NPAS3: variants seen among roughly 807,000 people sequenced by gnomAD.
NPAS3 encodes neuronal PAS domain protein 3.
A neutral mutation model predicts 73.1 loss-of-function variants in NPAS3; 14 were observed. The ratio of observed to expected loss-of-function variants is 0.19; its 90% CI spans 0.13 to 0.30. The LOEUF (loss-of-function observed/expected upper bound fraction) is 0.30. Among genes scored for constraint, NPAS3 ranks in the 10% least tolerant of loss-of-function variants. The pLI, the probability that NPAS3 is intolerant of heterozygous loss-of-function variation, is 1.00. For missense variants in NPAS3, 1,096 were observed against 1,250.0 expected (o/e 0.88, Z 1.86); for synonymous variants, 620 against 541.5 (o/e 1.14, Z -2.01).
At chr14:33,328,813 T>G (rs2043842976) in intron 3 of NPAS3, among the ~76,000 whole-genome samples, 1 of 152,204 alleles carries the variant, frequency 6.6e-6, no homozygotes, top group Non-Finnish European at 1.5e-5. Context: ...CTCCTTTAAC[T>G]TCTGTGTTTC....
At chr14:33,600,607 A>C (rs1228023209) in intron 5 of NPAS3, among the ~76,000 whole-genome samples, 1 of 152,236 alleles carries the variant, frequency 6.6e-6, no homozygotes, top group African/African-American at 2.4e-5. Context: ...GACTGAAAAT[A>C]GTTTAATTGG....
intron 1 of NPAS3, among the ~76,000 whole-genome samples, chr14:32,956,462 G>A (rs1245965321): frequency 6.6e-6 from 1 of 152,136 alleles, no homozygotes; most frequent in Non-Finnish European, 1.5e-5. Context: ...TGATAGTGGT[G>A]AACATTGTTA....
intron 4 of NPAS3, among the ~76,000 whole-genome samples, chr14:33,501,522 C>A (rs1221294953): frequency 3.3e-5 from 5 of 151,828 alleles, no homozygotes; most frequent in African/African-American, 1.2e-4. Flanking sequence ...TAACATGTTG[C>A]AACCTTCCTG....
intron 4 of NPAS3, among the ~76,000 whole-genome samples, chr14:33,528,969 G>T (rs576789527): frequency 6.6e-6 from 1 of 152,184 alleles, no homozygotes; most frequent in South Asian, 2.1e-4. Context: ...TAGTTGATGT[G>T]AGGCATCCTA....
rs117366608 is a variant in NPAS3, at chr14:33,435,020, T to G, written c.468+67752T>G. Among the ~76,000 whole-genome samples the G allele has an allele frequency of 5.3e-5, 8 of 152,284 alleles. No homozygotes were observed. The East Asian group carries it at 1.5e-3, about 29-fold the overall frequency. The stretch of plus-strand genomic sequence containing the variant: ...TCAAAAATATTGGGAGGGAATAGAC[T>G]CACCTGCAGATTGGAGATGTTTAAT... On this transcript the variant is annotated intron_variant, in intron 4 of 11. Coordinates refer to ENST00000356141, the Ensembl canonical transcript of NPAS3.
intron 3 of NPAS3, among the ~76,000 whole-genome samples, chr14:33,332,319 G>A (rs1024817153): frequency 2.0e-5 from 3 of 152,046 alleles, no homozygotes; most frequent in East Asian, 3.8e-4. Flanking sequence ...AAATATGGCC[G>A]TATTTCTAAA....
chr14:33,110,027 C>G (rs1295034953), intron 2 of NPAS3, among the ~76,000 whole-genome samples: 2 of 151,786 alleles, frequency 1.3e-5, no homozygotes, highest in Non-Finnish European at 2.9e-5. Context: ...TATACGAAGG[C>G]TATTTCTGTG....
chr14:33,803,290 C>T (rs2063757303), downstream of NPAS3: 1 of 152,126 alleles, frequency 6.6e-6, no homozygotes, highest in Admixed American at 6.5e-5. Context: ...CTAGAATTGT[C>T]ATATATATTT....
chr14:33,428,114 T>C (rs2139108546), intron 4 of NPAS3, among the ~76,000 whole-genome samples: 1 of 152,200 alleles, frequency 6.6e-6, no homozygotes, highest in African/African-American at 2.4e-5. Flanking sequence ...AAAGAGGTTT[T>C]TCATTCCATG....
At chr14:33,107,238 T>C (rs2042749654) in intron 2 of NPAS3, among the ~76,000 whole-genome samples, 1 of 152,114 alleles carries the variant, frequency 6.6e-6, no homozygotes, top group Non-Finnish European at 1.5e-5. Context: ...AAAAAATATA[T>C]TTTCTTTTTT....
chr14:33,378,323 C>T (rs4981189), intron 4 of NPAS3, among the ~76,000 whole-genome samples: 29,489 of 152,170 alleles, frequency 0.19, 3,730 homozygotes, highest in Non-Finnish European at 0.29. Flanking sequence ...ATCACCCAGC[C>T]TGGAGCAAGT....
intron 1 of NPAS3, among the ~76,000 whole-genome samples, chr14:32,943,900 G>A (rs557504758): frequency 1.3e-5 from 2 of 152,132 alleles, no homozygotes; most frequent in Non-Finnish European, 2.9e-5. Flanking sequence ...ATGTTGGCCA[G>A]GCTGGTCTCA....
chr14:33,321,444 C>T (rs142451510), intron 3 of NPAS3, among the ~76,000 whole-genome samples: 2 of 151,994 alleles, frequency 1.3e-5, no homozygotes, highest in African/African-American at 2.4e-5. Context: ...ATTCTCCAGT[C>T]CCATTATGAA....
chr14:33,526,771 G>A (rs564932815), intron 4 of NPAS3, among the ~76,000 whole-genome samples: 2 of 152,212 alleles, frequency 1.3e-5, no homozygotes, highest in African/African-American at 4.8e-5. Context: ...GCAGAGCCAG[G>A]CAAATTGTTC....
upstream of NPAS3, chr14:32,934,845 G>A (rs1004203632): frequency 1.4e-5 from 7 of 518,234 alleles, no homozygotes; most frequent in Non-Finnish European, 1.7e-5. This position sits in a 1 kb window ranked among gnomAD's most constrained non-coding sequence, Gnocchi z 4.1. Context: ...AAGCCGCGGC[G>A]ATGATCCGAA....
chr14:33,656,042 C>T (rs958323187), intron 5 of NPAS3, among the ~76,000 whole-genome samples: 1 of 152,140 alleles, frequency 6.6e-6, no homozygotes, highest in Non-Finnish European at 1.5e-5. Context: ...AGATGCCTCT[C>T]TTGTCTCTAT....
At chr14:33,187,778 CTATT>C (rs1159653249) in intron 2 of NPAS3, among the ~76,000 whole-genome samples, 1 of 151,950 alleles carries the variant, frequency 6.6e-6, no homozygotes, top group Non-Finnish European at 1.5e-5. Flanking sequence ...AAATTAATAT[CTATT>C]AAATATTTAT....
At chr14:33,088,081 A>G (rs1436709582) in intron 2 of NPAS3, among the ~76,000 whole-genome samples, 1 of 152,166 alleles carries the variant, frequency 6.6e-6, no homozygotes, top group Non-Finnish European at 1.5e-5. Context: ...CGGAATAGGA[A>G]GAGCTCCAGT....
rs956249509 is a variant in NPAS3 at position 33,774,609 on chromosome 14, G to C, written c.1046+79G>C. ...TTGTGTTTCAGCCGTCTGAAGGATGGTACTCTCCCAGTGAGGTTCATTCTA... is the reference window on the plus strand; with the variant it reads ...TTGTGTTTCAGCCGTCTGAAGGATGCTACTCTCCCAGTGAGGTTCATTCTA... On this transcript the variant is annotated intron_variant, in intron 8 of 11. Coordinates refer to ENST00000356141, the Ensembl canonical transcript of NPAS3. 3.4e-6 allele frequency: 4 copies of C among 1,162,708 alleles called. No homozygotes were observed. The African/African-American group carries it at 6.0e-5, about 18-fold the overall frequency. 72.0% of individuals were successfully genotyped at this position (1,162,708 alleles called of 1,614,324 possible).
Sources: gnomAD v4.1 joint callset for allele counts (sites outside exome capture counted in the v4.1 genomes callset) on GRCh38, gnomAD v4.1.1 for gene constraint, Gnocchi (gnomAD v3.1) non-coding constraint, MANE v1.5 for transcripts, NCBI Gene and HGNC (gene_info 2026-07-23, HGNC 2026-07-21) for gene names.